The following FHOD3 variants were observed in gnomAD, a reference collection of about 807,000 sequenced individuals.
FHOD3 encodes the protein formin homology 2 domain containing 3, also known as FH1/FH2 domain-containing protein 3.
FHOD3 carries 90 observed loss-of-function variants against 173.0 expected under a neutral mutation model. That is an observed-to-expected ratio of 0.52 (90% CI 0.44 to 0.62). The LOEUF (loss-of-function observed/expected upper bound fraction) is 0.62, where lower values mean the gene tolerates loss of function less well. Among genes scored for constraint, FHOD3 ranks in the 20% least tolerant of loss-of-function variants. The pLI is 0.00. For missense variants in FHOD3, 1,945 were observed against 2,034.7 expected, an observed-to-expected ratio of 0.96 and a Z score of 0.85; for synonymous variants, 828 against 823.0, an observed-to-expected ratio of 1.01 and a Z score of -0.10.
Position 36,780,056 on chromosome 18 carries a change from A to G in FHOD3, c.*526A>G. On this transcript the variant is annotated 3_prime_UTR_variant, in exon 29 of 29. Coordinates refer to ENST00000590592, the MANE Select transcript of FHOD3 (RefSeq NM_001281740.3). ...TACTAAATAAATAGAGTTTAATGCC[A>G]TAATGAGAAACTTTTATTCTTCTGG... is the stretch of plus-strand genomic sequence containing the variant. 1 of 983,070 alleles carries G rather than the reference A, an allele frequency of 1.0e-6. No homozygotes were observed. Among genetic ancestry groups the G allele is most frequent in the South Asian group, 5.2e-5 (1 of 19,254 alleles). 60.9% of individuals were successfully genotyped at this position (983,070 alleles called of 1,614,324 possible).
chr18:36,606,779 GC>G (rs772601299), intron 8 of FHOD3, among the ~76,000 whole-genome samples: 1 of 152,218 alleles, frequency 6.6e-6, no homozygotes, highest in Non-Finnish European at 1.5e-5. Flanking sequence ...GTTGGAACTG[GC>G]ATAGATGTTC....
At chr18:36,577,289 A>G (rs2058690270) in intron 6 of FHOD3, among the ~76,000 whole-genome samples, 1 of 151,742 alleles carries the variant, frequency 6.6e-6, no homozygotes, top group Admixed American at 6.6e-5. Flanking sequence ...GCCAGGCACC[A>G]AACTAGGTAT....
chr18:36,397,821 T>C (rs2048625136), intron 3 of FHOD3, among the ~76,000 whole-genome samples: 1 of 152,348 alleles, frequency 6.6e-6, no homozygotes, highest in South Asian at 2.1e-4. Context: ...GGGGATCAGA[T>C]TGACTGCTTG....
At chr18:36,570,672 G>A (rs993914499) in intron 5 of FHOD3, among the ~76,000 whole-genome samples, 2 of 151,970 alleles carry the variant, frequency 1.3e-5, no homozygotes, top group African/African-American at 4.8e-5. Flanking sequence ...TATGAAAAGA[G>A]TAATATGCCA....
chr18:36,348,214 A>G (rs1913981789), intron 1 of FHOD3, among the ~76,000 whole-genome samples: 1 of 152,202 alleles, frequency 6.6e-6, no homozygotes, highest in Non-Finnish European at 1.5e-5. Flanking sequence ...GAACCACAAA[A>G]TCCAAGGAAG....
At chr18:36,364,731 AG>A (rs2046811355) in intron 2 of FHOD3, among the ~76,000 whole-genome samples, 1 of 152,210 alleles carries the variant, frequency 6.6e-6, no homozygotes, top group South Asian at 2.1e-4. Context: ...TAAGGCAGAA[AG>A]GGAAATGGGT....
At chr18:36,307,184 G>A (rs572134829) in intron 1 of FHOD3, among the ~76,000 whole-genome samples, 5 of 152,012 alleles carry the variant, frequency 3.3e-5, no homozygotes, top group Admixed American at 2.6e-4. Flanking sequence ...GGGTGGTCTC[G>A]AATTCCTGAC....
intron 20 of FHOD3, among the ~76,000 whole-genome samples, chr18:36,737,432 T>C (rs985773095): frequency 6.6e-6 from 1 of 152,226 alleles, no homozygotes; most frequent in Non-Finnish European, 1.5e-5. Flanking sequence ...AGGCAACATC[T>C]GCTTGAAGTG....
At chr18:36,776,333 T>C (rs1452586688) in intron 28 of FHOD3, among the ~76,000 whole-genome samples, 1 of 152,016 alleles carries the variant, frequency 6.6e-6, no homozygotes, top group Non-Finnish European at 1.5e-5. Flanking sequence ...AGGCTCAGGG[T>C]GTACATGTAC....
chr18:36,363,679 G>T (rs2046746870), intron 2 of FHOD3, among the ~76,000 whole-genome samples: 1 of 149,050 alleles, frequency 6.7e-6, no homozygotes, highest in African/African-American at 2.6e-5. Flanking sequence ...GTGGAGCACA[G>T]GGGATCTTTA....
intron 2 of FHOD3, among the ~76,000 whole-genome samples, chr18:36,366,745 C>A (rs1175708354): frequency 3.9e-5 from 6 of 152,222 alleles, no homozygotes; most frequent in African/African-American, 1.4e-4. Flanking sequence ...CCTCCTCCAT[C>A]TCTTTATCCC....
intron 17 of FHOD3, among the ~76,000 whole-genome samples, chr18:36,708,447 T>C (rs2149665757): frequency 6.6e-6 from 1 of 152,344 alleles, no homozygotes; most frequent in Admixed American, 6.5e-5. Flanking sequence ...TGTAACAAGT[T>C]TCCACAGACA....
At chr18:36,312,452 G>A (rs941651678) in intron 1 of FHOD3, among the ~76,000 whole-genome samples, 5 of 152,020 alleles carry the variant, frequency 3.3e-5, no homozygotes, top group East Asian at 1.9e-4. Context: ...TGAACAGCTC[G>A]TCCTGGACGT....
At chr18:36,424,884 A>G (rs1010883319) in intron 3 of FHOD3, among the ~76,000 whole-genome samples, 3 of 152,186 alleles carry the variant, frequency 2.0e-5, no homozygotes, top group Admixed American at 6.5e-5. Flanking sequence ...CCTGGCCATT[A>G]GTCACCCAGT....
rs771848731 is a variant in FHOD3, at chr18:36,744,069, C to T, written c.3917C>T (p.Pro1306Leu). The change falls in exon 23 of 29, where the codon CCA (proline) becomes CTA (leucine). Residue 1306 changes from proline to leucine, a missense_variant. Physicochemically the swap from Pro to Leu is moderately conservative, Grantham distance 98. Coordinates refer to ENST00000590592, the MANE Select transcript of FHOD3 (RefSeq NM_001281740.3). Reference protein sequence around the residue: ...AFELSYLEKVPEVKDTVHKQS... With the variant: ...AFELSYLEKVLEVKDTVHKQS... ...GAGTTAAGCTACCTCGAGAAGGTTC[C>T]AGAAGTCAAAGACACAGTGCACAAG... 6.2e-7 allele frequency: 1 copy of T among 1,614,190 alleles called. No homozygotes were observed. The highest frequency in any genetic ancestry group is 1.1e-5 in the South Asian group (1 of 91,086).
chr18:36,429,731 C>T (rs1368536975), intron 3 of FHOD3, among the ~76,000 whole-genome samples: 1 of 152,160 alleles, frequency 6.6e-6, no homozygotes, highest in Non-Finnish European at 1.5e-5. Flanking sequence ...ACCCATGAAG[C>T]TGTGTGAAGA....
chr18:36,419,691 G>A (rs187852764), intron 3 of FHOD3, among the ~76,000 whole-genome samples: 1 of 152,318 alleles, frequency 6.6e-6, no homozygotes, highest in East Asian at 1.9e-4. Flanking sequence ...GGTGAATGGG[G>A]CATCTATAAA....
chr18:36,667,187 A>G (rs2037236994), intron 14 of FHOD3, among the ~76,000 whole-genome samples: 1 of 152,210 alleles, frequency 6.6e-6, no homozygotes, highest in Admixed American at 6.5e-5. Flanking sequence ...TTGTATGTAC[A>G]TGTGCTTTCA....
chr18:36,399,787 T>G (rs930587244), intron 3 of FHOD3, among the ~76,000 whole-genome samples: 1 of 152,210 alleles, frequency 6.6e-6, no homozygotes, highest in African/African-American at 2.4e-5. Context: ...ATCAACTGTT[T>G]ATAGCCACCG....
Sources: gnomAD v4.1 joint callset for allele counts (sites outside exome capture counted in the v4.1 genomes callset) on GRCh38, gnomAD v4.1.1 for gene constraint, MANE v1.5 for transcripts, NCBI Gene and HGNC (gene_info 2026-07-23, HGNC 2026-07-21) for gene names.